The following PLA2G5 variants were observed in gnomAD, a reference collection of about 807,000 sequenced individuals.
The protein encoded by PLA2G5 is Ca2+-dependent phospholipase A2.
PLA2G5 carries 12 observed loss-of-function variants against 15.9 expected under a neutral mutation model. That is an observed-to-expected ratio of 0.76 (90% CI 0.48 to 1.23). The LOEUF (loss-of-function observed/expected upper bound fraction) is 1.23. Ranked by LOEUF, PLA2G5 falls within the 50% of genes most tolerant of loss-of-function variation. The probability of loss-of-function intolerance (pLI) is 0.00; values close to 1 mark genes in which losing one functional copy is unlikely to be tolerated. For missense variants in PLA2G5, 169 were observed against 177.1 expected, an observed-to-expected ratio of 0.95 and a Z score of 0.26; for synonymous variants, 71 against 71.4, an observed-to-expected ratio of 0.99 and a Z score of 0.03.
At position 20,070,196 on chromosome 1, in the gene PLA2G5, T is replaced by A; in HGVS notation, c.-280T>A. ...GGACTTCCTGCCTCTGCAAAGGCAG[T>A]CGGGGGCTGAGCAGGGTTCTACCCG... On this transcript the variant is annotated 5_prime_UTR_variant, in exon 1 of 5. Coordinates refer to ENST00000375108, the MANE Select transcript of PLA2G5 (RefSeq NM_000929.3). The A allele has an allele frequency of 2.0e-6, 2 of 985,476 alleles. No individual in the cohort carries two copies. Among genetic ancestry groups the A allele is most frequent in the Non-Finnish European group, 2.4e-6 (2 of 829,978 alleles). The allele number at this position is 985,476 out of a possible 1,614,324, so 61.0% of individuals were successfully genotyped here.
At chr1:20,039,670 GGAGAGA>G (rs142706440) in intron 1 of PLA2G5, among the ~76,000 whole-genome samples, 1 of 149,622 alleles carries the variant, frequency 6.7e-6, no homozygotes, top group Non-Finnish European at 1.5e-5. Flanking sequence ...GAGGGGAAGT[GGAGAGA>G]GAGAGAGAGA....
At chr1:20,049,742 T>C (rs997476763) in intron 1 of PLA2G5, among the ~76,000 whole-genome samples, 1 of 152,184 alleles carries the variant, frequency 6.6e-6, no homozygotes, top group Admixed American at 6.5e-5. Flanking sequence ...CCATTAAACC[T>C]CTTTCCTTTA....
Position 20,048,101 on chromosome 1 carries a change from ATGTTTCACTAC to A in PLA2G5, n.277-11528_277-11518del, listed in dbSNP as rs1391744743. 7.2e-5 allele frequency among the ~76,000 whole-genome samples: 11 copies of A among 152,286 alleles called. No homozygotes were observed. In the East Asian group the frequency reaches 2.1e-3, roughly 29 times the overall value. ...TATCTATTTATGTGTTGTGTACACA[ATGTTTCACTAC>A]TGAAAATATATAAAAGCTCTAATTA... On this transcript the variant is annotated intron_variant and non_coding_transcript_variant, in intron 1 of 6. Transcript: ENST00000460175.
intron 1 of PLA2G5, among the ~76,000 whole-genome samples, chr1:20,049,860 C>T (rs2014096649): frequency 6.6e-6 from 1 of 152,158 alleles, no homozygotes; most frequent in Admixed American, 6.5e-5. Context: ...TTTCTCTCTC[C>T]TTTTAAAGGG....
intron 1 of PLA2G5, chr1:20,046,137 C>T (rs1410024019): frequency 1.3e-5 from 2 of 152,160 alleles, no homozygotes; most frequent in African/African-American, 4.8e-5. Context: ...GAGACCCATC[C>T]CTAGGTAAGT....
intron 1 of PLA2G5, among the ~76,000 whole-genome samples, chr1:20,043,140 G>A (rs2013711095): frequency 6.6e-6 from 1 of 152,114 alleles, no homozygotes; most frequent in Non-Finnish European, 1.5e-5. Flanking sequence ...GATGAGGGGT[G>A]TAGGGGAATA....
At chr1:20,054,925 G>A (rs544166176) in intron 1 of PLA2G5, 1 of 152,264 alleles carries the variant, frequency 6.6e-6, no homozygotes, top group South Asian at 2.1e-4. Flanking sequence ...AGTAATGTAT[G>A]AGACTGCCTT....
At chr1:20,089,737 G>T in intron 3 of PLA2G5, 52 bp from the exon 4 acceptor site, 1 of 1,436,702 alleles carries the variant, frequency 7.0e-7, no homozygotes, top group South Asian at 1.2e-5. Context: ...ATTAGGGATG[G>T]GGTCAGGAGG....
At chr1:20,068,820 C>A (rs1370520087), upstream of PLA2G5, 4 of 474,362 alleles carry the variant, frequency 8.4e-6, no homozygotes, top group Non-Finnish European at 1.0e-5. Flanking sequence ...ATATTTGCAA[C>A]ATATATAGCA....
chr1:20,086,278 T>C (rs1390644406), intron 3 of PLA2G5, 51 bp downstream of exon 3: 2 of 1,579,288 alleles, frequency 1.3e-6, no homozygotes, highest in Middle Eastern at 1.7e-4. Context: ...TGCACCCATG[T>C]TTTCTTATTC....
At chr1:20,065,798 G>T (rs1054364358), upstream of PLA2G5, among the ~76,000 whole-genome samples, 9 of 152,180 alleles carry the variant, frequency 5.9e-5, no homozygotes, top group African/African-American at 2.2e-4. Flanking sequence ...AAATACTTAG[G>T]AGTACAATTG....
At chr1:20,029,436 C>G (rs1388603646) in intron 1 of PLA2G5, among the ~76,000 whole-genome samples, 3 of 149,662 alleles carry the variant, frequency 2.0e-5, no homozygotes, top group Non-Finnish European at 4.4e-5. Flanking sequence ...GGTCCAGCTG[C>G]CTGTGTGTTC....
At chr1:20,048,276 TATA>T (rs2014017214) in intron 1 of PLA2G5, among the ~76,000 whole-genome samples, 1 of 152,164 alleles carries the variant, frequency 6.6e-6, no homozygotes, top group South Asian at 2.1e-4. Flanking sequence ...GTTGGTAAAG[TATA>T]ATAATATTAG....
chr1:20,090,059 A>G (rs901838169), intron 4 of PLA2G5, among the ~76,000 whole-genome samples, 164 bp downstream of exon 4: 5 of 152,146 alleles, frequency 3.3e-5, no homozygotes, highest in African/African-American at 1.2e-4. Context: ...CCCCCAGGGT[A>G]GGGCTGAATC....
At chr1:20,077,930 C>A (rs1363324189) in intron 1 of PLA2G5, among the ~76,000 whole-genome samples, 1 of 152,190 alleles carries the variant, frequency 6.6e-6, no homozygotes, top group Admixed American at 6.5e-5. Context: ...CCCCGGATGC[C>A]TGCATAGAAA....
At chr1:20,039,268 T>A (rs1442911186) in intron 1 of PLA2G5, among the ~76,000 whole-genome samples, 1 of 152,192 alleles carries the variant, frequency 6.6e-6, no homozygotes, top group Non-Finnish European at 1.5e-5. Context: ...GGGTCAACTA[T>A]GGCCAAAGCA....
chr1:20,069,663 A>AAAAG (rs57068796), upstream of PLA2G5, among the ~76,000 whole-genome samples: 8,683 of 142,140 alleles, frequency 0.061, 315 homozygotes, highest in Non-Finnish European at 0.068. Flanking sequence ...CTCAGCTCAG[A>AAAAG]AAAGAAAGAA....
intron 1 of PLA2G5, among the ~76,000 whole-genome samples, chr1:20,029,101 C>G (rs1429827033): frequency 6.6e-6 from 1 of 152,136 alleles, no homozygotes; most frequent in African/African-American, 2.4e-5. Flanking sequence ...ATCCTGTGAT[C>G]CTTGGATCAC....
intron 1 of PLA2G5, among the ~76,000 whole-genome samples, chr1:20,036,299 GA>G (rs958959201): frequency 6.6e-6 from 1 of 152,158 alleles, no homozygotes; most frequent in African/African-American, 2.4e-5. Flanking sequence ...AGCAAGGCCA[GA>G]AAAATTTTCC....
Sources: allele counts gnomAD v4.1 joint callset (sites outside exome capture counted in the v4.1 genomes callset), GRCh38; gene constraint gnomAD v4.1.1; transcripts MANE v1.5; gene names NCBI Gene and HGNC (gene_info 2026-07-23, HGNC 2026-07-21).